The following SLIT2 variants were observed in gnomAD, a reference collection of about 807,000 sequenced individuals.
The protein encoded by SLIT2 is slit guidance ligand 2.
SLIT2 carries 41 observed loss-of-function variants against 185.7 expected under a neutral mutation model. The observed-to-expected ratio is 0.22, with a 90% confidence interval of 0.17 to 0.29. The LOEUF (loss-of-function observed/expected upper bound fraction) is 0.29. SLIT2 is among the 10% of genes least tolerant of loss of function. SLIT2 has a pLI of 1.00. For missense variants in SLIT2, 1,571 were observed against 1,909.0 expected, an observed-to-expected ratio of 0.82 and a Z score of 3.30; for synonymous variants, 693 against 680.2, an observed-to-expected ratio of 1.02 and a Z score of -0.29.
intron 6 of SLIT2, among the ~76,000 whole-genome samples, 170 bp from the exon 7 acceptor site, chr4:20,486,030 T>C (rs1157207699): frequency 6.6e-6 from 1 of 152,196 alleles, no homozygotes; most frequent in African/African-American, 2.4e-5. Context: ...ATATGTTAAA[T>C]TATGAAATTA....
chr4:20,501,338 T>G (rs1404253347), intron 9 of SLIT2, among the ~76,000 whole-genome samples: 2 of 152,062 alleles, frequency 1.3e-5, no homozygotes. Flanking sequence ...TAGGCTGGAG[T>G]GCAGTGGCGT....
chr4:20,256,914 G>C (rs1020068620), intron 2 of SLIT2, among the ~76,000 whole-genome samples, 171 bp downstream of exon 2: 2 of 151,854 alleles, frequency 1.3e-5, no homozygotes, highest in African/African-American at 4.8e-5. Flanking sequence ...ATAAAAATTG[G>C]GGCTTTTATT....
intron 33 of SLIT2, among the ~76,000 whole-genome samples, chr4:20,599,175 T>C (rs1042911399): frequency 6.6e-6 from 1 of 152,192 alleles, no homozygotes; most frequent in Non-Finnish European, 1.5e-5. Flanking sequence ...ACCATCCATT[T>C]TGGAAGTTTT....
chr4:20,323,913 A>G (rs528485373), intron 4 of SLIT2, among the ~76,000 whole-genome samples: 1 of 152,338 alleles, frequency 6.6e-6, no homozygotes, highest in South Asian at 2.1e-4. Context: ...ATGTATACCT[A>G]AAACAATATT....
chr4:20,401,777 A>G (rs1276475238), intron 4 of SLIT2, among the ~76,000 whole-genome samples: 1 of 151,870 alleles, frequency 6.6e-6, no homozygotes, highest in African/African-American at 2.4e-5. Flanking sequence ...TGGGAAATGA[A>G]TAACACTGTC....
chr4:20,267,733 C>A (rs994472921), intron 3 of SLIT2, among the ~76,000 whole-genome samples: 1 of 151,790 alleles, frequency 6.6e-6, no homozygotes, highest in African/African-American at 2.4e-5. Flanking sequence ...TCTGCATCTA[C>A]CCGATGACCC....
At chr4:20,325,904 G>A (rs1719542491) in intron 4 of SLIT2, among the ~76,000 whole-genome samples, 1 of 152,024 alleles carries the variant, frequency 6.6e-6, no homozygotes, top group Admixed American at 6.6e-5. Flanking sequence ...GCTTTGTGGT[G>A]GAATACAGTG....
rs552074010 is a variant in SLIT2 at position 20,396,025 on chromosome 4, A to AC, written c.396-71720dup. 8.8e-4 allele frequency among the ~76,000 whole-genome samples: 133 copies of AC among 151,790 alleles called. 1 individual carries two copies. Among genetic ancestry groups the AC allele is most frequent in the African/African-American group, 2.9e-3 (121 of 41,466 alleles). ...CTATTAGTAGTAAATATTTAAAAGT[A>AC]CCCCCCCAAACTACATTTCATTACT... On this transcript the variant is annotated intron_variant, in intron 4 of 36. Coordinates refer to ENST00000504154, the MANE Select transcript of SLIT2 (RefSeq NM_004787.4).
rs1722067640 is a variant in SLIT2, at chr4:20,251,911, T to C, written c.-1905T>C. On this transcript the variant is annotated 5_prime_UTR_variant, in exon 1 of 37. Coordinates refer to ENST00000504154, the MANE Select transcript of SLIT2 (RefSeq NM_004787.4). The stretch of plus-strand genomic sequence containing the variant: ...CGCGCCGGCTCAACTTCGGACTTGG[T>C]GTTATTTATTTGGGAAGCGCCCGGA... Among the ~76,000 whole-genome samples the C allele has an allele frequency of 1.3e-5, 2 of 150,898 alleles. No homozygotes were observed. Among genetic ancestry groups the C allele is most frequent in the South Asian group, 4.2e-4 (2 of 4,770 alleles).
chr4:20,495,861 T>C (rs1489749689), intron 9 of SLIT2, among the ~76,000 whole-genome samples: 1 of 152,288 alleles, frequency 6.6e-6, no homozygotes, highest in East Asian at 1.9e-4. Context: ...AATTTATTTC[T>C]TTTATTACTC....
At chr4:20,413,541 T>G (rs916723760) in intron 4 of SLIT2, among the ~76,000 whole-genome samples, 1 of 152,098 alleles carries the variant, frequency 6.6e-6, no homozygotes, top group African/African-American at 2.4e-5. Flanking sequence ...AAGTTGGCTT[T>G]GAAGTCTCCA....
At chr4:20,290,999 C>G (rs1057367604) in intron 4 of SLIT2, among the ~76,000 whole-genome samples, 3 of 151,836 alleles carry the variant, frequency 2.0e-5, no homozygotes, top group Non-Finnish European at 4.4e-5. Flanking sequence ...GGTGTCCCTC[C>G]CAATCCAGGG....
At chr4:20,324,932 G>A (rs530858019) in intron 4 of SLIT2, among the ~76,000 whole-genome samples, 6 of 152,172 alleles carry the variant, frequency 3.9e-5, no homozygotes, top group Admixed American at 6.5e-5. Context: ...CACCTAATAC[G>A]TTAATTATAT....
intron 4 of SLIT2, among the ~76,000 whole-genome samples, chr4:20,398,307 G>T (rs1232356518): frequency 2.0e-5 from 3 of 151,918 alleles, no homozygotes; most frequent in Non-Finnish European, 4.4e-5. Context: ...ATGAGGAAAA[G>T]GGTCTTTGCA....
intron 4 of SLIT2, among the ~76,000 whole-genome samples, chr4:20,359,025 C>T (rs1006348524): frequency 4.6e-5 from 7 of 152,196 alleles, no homozygotes; most frequent in Middle Eastern, 3.4e-3. Flanking sequence ...ATCCCAACTT[C>T]GAGAATCGTT....
intron 4 of SLIT2, among the ~76,000 whole-genome samples, chr4:20,312,771 C>CAAAAA (rs34372893): frequency 1.5e-4 from 15 of 102,134 alleles, no homozygotes; most frequent in African/African-American, 2.0e-4. Context: ...GACTTTGTCT[C>CAAAAA]AAAAAAAAAA....
chr4:20,426,931 AAG>A (rs1728606028), intron 4 of SLIT2, among the ~76,000 whole-genome samples: 1 of 152,146 alleles, frequency 6.6e-6, no homozygotes, highest in Admixed American at 6.6e-5. Flanking sequence ...TGGTAAATTT[AAG>A]AGTTAGGAGT....
At chr4:20,352,506 A>G (rs762142085) in intron 4 of SLIT2, among the ~76,000 whole-genome samples, 2 of 152,236 alleles carry the variant, frequency 1.3e-5, no homozygotes, top group Non-Finnish European at 2.9e-5. Flanking sequence ...GTCAAATTAG[A>G]TAAACGCTAC....
chr4:20,267,652 T>C (rs533632912), intron 3 of SLIT2, among the ~76,000 whole-genome samples: 3 of 151,982 alleles, frequency 2.0e-5, no homozygotes, highest in African/African-American at 7.2e-5. Context: ...AGGTCTTCTG[T>C]ATAATCAAAT....
Sources: allele counts gnomAD v4.1 joint callset (sites outside exome capture counted in the v4.1 genomes callset), GRCh38; gene constraint gnomAD v4.1.1; transcripts MANE v1.5; gene names NCBI Gene and HGNC (gene_info 2026-07-23, HGNC 2026-07-21).